Variants in PHYHIPL observed in about 807,000 individuals in gnomAD.
PHYHIPL encodes phytanoyl-CoA hydroxylase-interacting protein-like.
Under a neutral mutation model 33.4 loss-of-function variants are expected in PHYHIPL, and 9 were observed. The observed-to-expected ratio is 0.27, with a 90% CI of 0.16 to 0.47. The LOEUF (loss-of-function observed/expected upper bound fraction) is 0.47, where lower values mean the gene tolerates loss of function less well. PHYHIPL is among the 20% of genes least tolerant of loss of function. PHYHIPL has a pLI of 0.99. For synonymous variants in PHYHIPL, 153 were observed against 154.1 expected, an observed-to-expected ratio of 0.99 and a Z score of 0.05; for missense variants, 365 against 460.7, an observed-to-expected ratio of 0.79 and a Z score of 1.90.
At chr10:59,176,431 G>T (rs1012306626), upstream of PHYHIPL, among the ~76,000 whole-genome samples, 4 of 152,002 alleles carry the variant, frequency 2.6e-5, no homozygotes, top group African/African-American at 4.8e-5. Context: ...CGCCTCACGC[G>T]CGAGGTTGCC....
At chr10:59,237,652 T>C (rs1383571769) in intron 3 of PHYHIPL, among the ~76,000 whole-genome samples, 1 of 151,894 alleles carries the variant, frequency 6.6e-6, no homozygotes, top group Non-Finnish European at 1.5e-5. Flanking sequence ...ATTAAGCCCA[T>C]ACTGTGAGCT....
chr10:59,200,185 C>T (rs541688865), intron 1 of PHYHIPL, among the ~76,000 whole-genome samples: 11 of 152,256 alleles, frequency 7.2e-5, no homozygotes, highest in African/African-American at 2.6e-4. Context: ...ATGATATTGG[C>T]TGTGAGTTTG....
Position 59,238,710 on chromosome 10 carries a change from G to A in PHYHIPL, c.596+5G>A. ...AGAATATTTTGACTATGTTCGGTAA[G>A]ATTCAAAAATATATAGTGATTTGTT... On this transcript the variant is annotated splice_donor_5th_base_variant and intron_variant, in intron 4 of 4. Coordinates refer to ENST00000373880, the MANE Select transcript of PHYHIPL (RefSeq NM_032439.4). 6.6e-7 allele frequency: 1 copy of A among 1,524,568 alleles called. No homozygotes were observed. Among genetic ancestry groups the A allele is most frequent in the Non-Finnish European group, 9.1e-7 (1 of 1,100,400 alleles). The allele number at this position is 1,524,568 out of a possible 1,614,324, so 94.4% of individuals were successfully genotyped here.
rs1840785717 is a variant in PHYHIPL at position 59,247,246 on chromosome 10, A to G, written c.*1655A>G. On this transcript the variant is annotated 3_prime_UTR_variant, in exon 5 of 5. Transcript: ENST00000373880. ...ATTTTTTAAAATCATGCTCTTTTCC[A>G]TACATCAACATAAACAGTCTTTGGA... The G allele has an allele frequency of 5.8e-6, 1 of 173,716 alleles. No individual in the cohort carries two copies. The highest frequency in any genetic ancestry group is 2.4e-5 in the African/African-American group (1 of 41,980). The allele number at this position is 173,716 out of a possible 1,614,324, so 10.8% of individuals were successfully genotyped here.
At chr10:59,197,996 C>G (rs1838968372) in intron 1 of PHYHIPL, among the ~76,000 whole-genome samples, 1 of 152,054 alleles carries the variant, frequency 6.6e-6, no homozygotes, top group East Asian at 1.9e-4. Context: ...ATAGAATGGG[C>G]ACAGGAAGAT....
chr10:59,188,518 C>G (rs1838684150), intron 1 of PHYHIPL, among the ~76,000 whole-genome samples: 1 of 152,054 alleles, frequency 6.6e-6, no homozygotes, highest in African/African-American at 2.4e-5. Flanking sequence ...TTCTGGATAT[C>G]CTTGTTAACT....
chr10:59,232,282 T>C (rs2133281693), intron 1 of PHYHIPL, among the ~76,000 whole-genome samples: 1 of 152,166 alleles, frequency 6.6e-6, no homozygotes, highest in South Asian at 2.1e-4. Flanking sequence ...AAAGTTAATC[T>C]AGTGGTTTTG....
chr10:59,185,355 A>G (rs1318154757), intron 1 of PHYHIPL, among the ~76,000 whole-genome samples: 1 of 152,116 alleles, frequency 6.6e-6, no homozygotes, highest in Non-Finnish European at 1.5e-5. Flanking sequence ...TTCTTAATCC[A>G]GTCTATCATT....
At chr10:59,187,752 T>C (rs1838653806) in intron 1 of PHYHIPL, among the ~76,000 whole-genome samples, 2 of 152,222 alleles carry the variant, frequency 1.3e-5, no homozygotes, top group African/African-American at 4.8e-5. Context: ...TTTATTTGAG[T>C]AGAGAGGTTC....
At chr10:59,236,456 T>C in intron 2 of PHYHIPL, 27 bp from the exon 3 acceptor site, 1 of 1,434,008 alleles carries the variant, frequency 7.0e-7, no homozygotes, top group Non-Finnish European at 9.4e-7. Context: ...CTCATTTTTC[T>C]CTCTCTCTTC....
chr10:59,219,264 A>G, intron 1 of PHYHIPL: 1 of 931,208 alleles, frequency 1.1e-6, no homozygotes, highest in Non-Finnish European at 1.3e-6. Flanking sequence ...AGTTAGGAAT[A>G]AATTGCTGTA....
intron 1 of PHYHIPL, among the ~76,000 whole-genome samples, chr10:59,230,332 GCCTCCCAGGTAGCTGGGACTA>G (rs1310498264): frequency 1.3e-5 from 2 of 148,394 alleles, no homozygotes; most frequent in East Asian, 4.0e-4. Context: ...TCCCACCTCA[GCCTCCCAGGTAGCTGGGACTA>G]CAGGCATGTG....
At chr10:59,197,655 A>C (rs1171537671) in intron 1 of PHYHIPL, among the ~76,000 whole-genome samples, 2 of 152,118 alleles carry the variant, frequency 1.3e-5, no homozygotes. Context: ...ATCTTCTTCT[A>C]TTCTGGCTGT....
At chr10:59,205,734 T>G (rs1225642877) in intron 1 of PHYHIPL, among the ~76,000 whole-genome samples, 1 of 152,118 alleles carries the variant, frequency 6.6e-6, no homozygotes, top group East Asian at 1.9e-4. Context: ...CAGTCCCTCA[T>G]GGCTACTTCA....
intron 1 of PHYHIPL, among the ~76,000 whole-genome samples, chr10:59,200,691 CTT>C (rs930634074): frequency 1.3e-5 from 2 of 151,994 alleles, no homozygotes; most frequent in African/African-American, 4.8e-5. Flanking sequence ...TGGTCCTGGA[CTT>C]TTTTTGGTTG....
chr10:59,219,381 G>A (rs769646643), intron 1 of PHYHIPL: 117 of 280,922 alleles, frequency 4.2e-4, no homozygotes, highest in Non-Finnish European at 5.9e-4. Flanking sequence ...TAATAAAAGT[G>A]TCTGTAGTTA....
chr10:59,176,793 C>G lies in PHYHIPL; in HGVS notation c.-61C>G. The stretch of plus-strand genomic sequence containing the variant: ...CCCTCCCTTTCCCGCTCTTCTTGCC[C>G]ACCCGGCCGGCAGAGAGAGCCTGGA... On this transcript the variant is annotated 5_prime_UTR_variant, in exon 1 of 5. Transcript: ENST00000373880. 1.4e-6 allele frequency: 2 copies of G among 1,472,006 alleles called. No individual in the cohort carries two copies. Among genetic ancestry groups the G allele is most frequent in the Non-Finnish European group, 9.3e-7 (1 of 1,075,188 alleles). The allele number at this position is 1,472,006 out of a possible 1,614,324, so 91.2% of individuals were successfully genotyped here.
intron 1 of PHYHIPL, among the ~76,000 whole-genome samples, chr10:59,186,626 T>G (rs1339278730): frequency 6.6e-6 from 1 of 152,188 alleles, no homozygotes; most frequent in East Asian, 1.9e-4. Flanking sequence ...TTTGTTTGTG[T>G]CCTCTCTTAT....
At chr10:59,196,135 C>T (rs532027816) in intron 1 of PHYHIPL, among the ~76,000 whole-genome samples, 2 of 151,860 alleles carry the variant, frequency 1.3e-5, no homozygotes, top group Non-Finnish European at 2.9e-5. Flanking sequence ...CTGTGATAGC[C>T]CTTAAAACAA....
Sources: allele counts gnomAD v4.1 joint callset (sites outside exome capture counted in the v4.1 genomes callset), GRCh38; gene constraint gnomAD v4.1.1; transcripts MANE v1.5; gene names NCBI Gene and HGNC (gene_info 2026-07-23, HGNC 2026-07-21).